TPTE: variants seen among roughly 807,000 people sequenced by gnomAD.
TPTE encodes transmembrane phosphatase with tensin homology.
A neutral mutation model predicts 84.1 loss-of-function variants in TPTE; 59 were observed. That is an observed-to-expected ratio of 0.70 (90% confidence interval 0.57 to 0.87). The LOEUF is 0.87. TPTE is among the 40% of genes least tolerant of loss of function. TPTE has a pLI of 0.00. For missense variants in TPTE, 382 were observed against 659.6 expected, an observed-to-expected ratio of 0.58 and a Z score of 4.61; for synonymous variants, 130 against 223.5, an observed-to-expected ratio of 0.58 and a Z score of 3.73.
At chr21:10,573,660 T>C (rs2075090768) in intron 14 of TPTE, among the ~76,000 whole-genome samples, 1 of 152,306 alleles carries the variant, frequency 6.6e-6, no homozygotes, top group Admixed American at 6.5e-5. Flanking sequence ...TATACAAGTA[T>C]TGAGATATCC....
chr21:10,592,805 GGT>G (rs4041809), intron 19 of TPTE, among the ~76,000 whole-genome samples: 314 of 148,856 alleles, frequency 2.1e-3, no homozygotes, highest in South Asian at 4.7e-3. Context: ...GATGACTCCT[GGT>G]GTGTGTGTGT....
chr21:10,535,800 AC>A (rs2074256486), intron 3 of TPTE, among the ~76,000 whole-genome samples: 1 of 152,308 alleles, frequency 6.6e-6, no homozygotes, highest in Non-Finnish European at 1.5e-5. Context: ...GGTGCCCCAA[AC>A]CCAAACCCAC....
intron 3 of TPTE, among the ~76,000 whole-genome samples, chr21:10,536,969 C>G (rs565406481): frequency 6.6e-6 from 1 of 152,426 alleles, no homozygotes; most frequent in East Asian, 1.9e-4. Context: ...GGCAGGGTTC[C>G]TCACACCCAG....
At chr21:10,561,289 C>T (rs560689229) in intron 10 of TPTE, 98 bp downstream of exon 10, 47 of 1,493,774 alleles carry the variant, frequency 3.1e-5, no homozygotes, top group East Asian at 3.0e-4. Flanking sequence ...GTCAGGAGTT[C>T]GAGACGATCC....
At chr21:10,547,586 AC>A (rs1250622054) in intron 7 of TPTE, among the ~76,000 whole-genome samples, 5 of 152,308 alleles carry the variant, frequency 3.3e-5, no homozygotes, top group Admixed American at 3.3e-4. Flanking sequence ...CAAGGTGAAG[AC>A]TTCCCACCCC....
intron 10 of TPTE, among the ~76,000 whole-genome samples, chr21:10,564,868 T>C (rs1283421187): frequency 1.8e-4 from 27 of 152,410 alleles, no homozygotes; most frequent in African/African-American, 6.0e-4. Context: ...ATAAAAACCA[T>C]ATATGACAGA....
rs753249051 is a variant in TPTE at position 10,543,357 on chromosome 21, G to T, written c.148G>T (p.Ala50Ser). The change falls in exon 7 of 24, where the codon GCC (alanine) becomes TCC (serine). Residue 50 changes from alanine to serine, a missense_variant. Ala to Ser is a moderately conservative substitution (Grantham distance 99, BLOSUM62 1). Coordinates refer to ENST00000618007, the MANE Select transcript of TPTE (RefSeq NM_199261.4). ...SPHTSEFKGAARVSPISESVL... is the reference protein window; with the variant it reads ...SPHTSEFKGASRVSPISESVL... ...ACACACAAGTGAATTTAAAGGAGCA[G>T]CCCGGGTGTCACCTATCAGTGAAAG... 6.2e-7 allele frequency: 1 copy of T among 1,614,070 alleles called. No individual in the cohort carries two copies. Among genetic ancestry groups the T allele is most frequent in the Non-Finnish European group, 8.5e-7 (1 of 1,179,888 alleles).
intron 6 of TPTE, 110 bp downstream of exon 6, chr21:10,542,558 T>C: frequency 7.4e-7 from 1 of 1,348,490 alleles, no homozygotes. Flanking sequence ...CATCCATCCA[T>C]CCATTCATCC....
intron 3 of TPTE, among the ~76,000 whole-genome samples, chr21:10,534,835 C>T (rs947687789): frequency 1.3e-5 from 2 of 152,306 alleles, no homozygotes; most frequent in African/African-American, 2.4e-5. Context: ...TCTACTTCTT[C>T]CTAGCTGAGT....
chr21:10,605,077 GAT>G (rs1476795097), intron 23 of TPTE, among the ~76,000 whole-genome samples: 1 of 152,310 alleles, frequency 6.6e-6, no homozygotes, highest in African/African-American at 2.4e-5. Context: ...AATTAAAAGA[GAT>G]ATAGTATTTT....
chr21:10,603,406 G>A (rs796607051), intron 22 of TPTE, among the ~76,000 whole-genome samples, 156 bp from the exon 23 acceptor site: 13 of 152,386 alleles, frequency 8.5e-5, no homozygotes, highest in African/African-American at 3.1e-4. Context: ...CCTCCTTTGT[G>A]TCTTGAGTGT....
intron 10 of TPTE, among the ~76,000 whole-genome samples, chr21:10,565,457 C>T (rs1345917689): frequency 1.3e-5 from 2 of 152,304 alleles, no homozygotes; most frequent in Non-Finnish European, 2.9e-5. Context: ...ATTCAATGCA[C>T]TCCCTGTCAA....
Position 10,532,629 on chromosome 21 carries a change from A to G in TPTE, c.-44+5217A>G, listed in dbSNP as rs1157311992. Reference sequence around the variant, plus strand: ...ATCTTGACTTCTTATTAATGCTTATATATTGGTAAATTTTCTTCTAAATAT... The same window carrying G: ...ATCTTGACTTCTTATTAATGCTTATGTATTGGTAAATTTTCTTCTAAATAT... On this transcript the variant is annotated intron_variant, in intron 3 of 23. Coordinates refer to ENST00000618007, the MANE Select transcript of TPTE (RefSeq NM_199261.4). Among the ~76,000 whole-genome samples the G allele has an allele frequency of 4.6e-5, 7 of 152,422 alleles. No homozygotes were observed. The East Asian group carries it at 9.6e-4, about 21-fold the overall frequency.
intron 3 of TPTE, among the ~76,000 whole-genome samples, chr21:10,530,844 T>C (rs1344124746): frequency 6.6e-6 from 1 of 152,310 alleles, no homozygotes; most frequent in Non-Finnish European, 1.5e-5. Context: ...TTCCAATTTA[T>C]ATAATCAGTC....
At chr21:10,595,651 C>T (rs1244921385) in intron 19 of TPTE, among the ~76,000 whole-genome samples, 2 of 152,312 alleles carry the variant, frequency 1.3e-5, no homozygotes, top group African/African-American at 2.4e-5. Context: ...TCCTCTAACT[C>T]AGTCACAACT....
chr21:10,598,963 T>C (rs1481290172), intron 21 of TPTE, among the ~76,000 whole-genome samples: 1 of 152,308 alleles, frequency 6.6e-6, no homozygotes, highest in Non-Finnish European at 1.5e-5. Flanking sequence ...TCTTAAAGGA[T>C]GACCCGTTCC....
At chr21:10,530,264 A>G (rs943417200) in intron 3 of TPTE, among the ~76,000 whole-genome samples, 1 of 152,308 alleles carries the variant, frequency 6.6e-6, no homozygotes, top group African/African-American at 2.4e-5. Context: ...CCATTGGCTC[A>G]TTGCTACTTG....
At chr21:10,545,334 G>C (rs2074446063) in intron 7 of TPTE, among the ~76,000 whole-genome samples, 3 of 152,304 alleles carry the variant, frequency 2.0e-5, no homozygotes, top group Admixed American at 2.0e-4. Context: ...ATAATATAAG[G>C]TTTTCTTCTA....
chr21:10,550,796 TA>T (rs1241731582), intron 7 of TPTE, among the ~76,000 whole-genome samples: 2 of 152,308 alleles, frequency 1.3e-5, no homozygotes, highest in Non-Finnish European at 2.9e-5. Flanking sequence ...AGCTGCAGAA[TA>T]CACATTCTTT....
Sources: gnomAD v4.1 joint callset for allele counts (sites outside exome capture counted in the v4.1 genomes callset) on GRCh38, gnomAD v4.1.1 for gene constraint, MANE v1.5 for transcripts, NCBI Gene and HGNC (gene_info 2026-07-23, HGNC 2026-07-21) for gene names.